The following TRAPPC1 variants were observed in gnomAD, a reference collection of about 807,000 sequenced individuals.
TRAPPC1 encodes the protein trafficking protein particle complex subunit 1.
TRAPPC1 carries 10 observed loss-of-function variants against 17.2 expected under a neutral mutation model. That is an observed-to-expected ratio of 0.58 (90% confidence interval 0.36 to 0.99). TRAPPC1 has a LOEUF of 0.99. Among genes scored for constraint, TRAPPC1 ranks in the 50% least tolerant of loss-of-function variants. The pLI, the probability that TRAPPC1 is intolerant of heterozygous loss-of-function variation, is 0.01. For synonymous variants in TRAPPC1, 85 were observed against 74.5 expected, an observed-to-expected ratio of 1.14 and a Z score of -0.72; for missense variants, 163 against 184.4, an observed-to-expected ratio of 0.88 and a Z score of 0.67.
chr17:7,931,263 C>A, intron 2 of TRAPPC1, 114 bp from the exon 3 acceptor site: 1 of 1,358,604 alleles, frequency 7.4e-7, no homozygotes, highest in Non-Finnish European at 1.0e-6. Flanking sequence ...TTTGTAGAAG[C>A]CTGGTTGAGT....
chr17:7,930,815 T>G, intron 3 of TRAPPC1, 81 bp from the exon 4 acceptor site: 1 of 1,558,746 alleles, frequency 6.4e-7, no homozygotes, highest in Non-Finnish European at 8.7e-7. Flanking sequence ...CTCAGGGGTG[T>G]GTGAATGCAC....
At position 7,931,913 on chromosome 17, in the gene TRAPPC1, A is replaced by G; in HGVS notation, c.-84T>C. On this transcript the variant is annotated 5_prime_UTR_variant, in exon 1 of 4. Transcript: ENST00000303731. ...TTCCCGGACCCACAGCCTTCCAACC[A>G]GGTGGGGACCCCACCCACGGACTCA... 1 of 1,210,972 alleles carries G rather than the reference A, an allele frequency of 8.3e-7. No individual in the cohort carries two copies. The highest frequency in any genetic ancestry group is 1.2e-6 in the Non-Finnish European group (1 of 814,394). 75.0% of individuals were successfully genotyped at this position (1,210,972 alleles called of 1,614,324 possible).
Position 7,931,547 on chromosome 17 carries a change from G to A in TRAPPC1, c.129C>T (p.Phe43=), listed in dbSNP as rs1161125085. ...EEYKLMYGML[F]SIRSFVSKMS... ...TCTTGCTGACAAACGAGCGGATAGA[G>A]AAGAGCATCCCGTACATCAGCTTAT... is the stretch of plus-strand genomic sequence containing the variant. The change falls in exon 2 of 4, where the codon TTC becomes TTT. Residue 43 remains phenylalanine (F), a synonymous_variant. Transcript: ENST00000303731. The A allele has an allele frequency of 6.2e-7, 1 of 1,613,866 alleles. No homozygotes were observed. Among genetic ancestry groups the A allele is most frequent in the Admixed American group, 1.7e-5 (1 of 60,016 alleles).
intron 3 of TRAPPC1, 31 bp downstream of exon 3, chr17:7,930,980 T>TG: frequency 1.2e-6 from 2 of 1,611,690 alleles, no homozygotes; most frequent in Middle Eastern, 3.6e-4. Flanking sequence ...TGAAGAGCTC[T>TG]GGGGGATGGG....
In TRAPPC1 at chr17:7,931,056, C is replaced by T. The variant is rs1208770124; in HGVS notation, c.264G>A (p.Leu88=). 1.9e-6 allele frequency: 3 copies of T among 1,613,848 alleles called. No homozygotes were observed. The highest frequency in any genetic ancestry group is 2.5e-6 in the Non-Finnish European group (3 of 1,179,960). Residue 88 remains leucine (L), a synonymous_variant, in exon 3 of 4, where the codon TTG becomes TTA. Transcript: ENST00000303731. The part of the protein sequence containing the change: ...TGIKVVMNTD[L]GVGPIRDVLH... ...GCACATCTCGGATGGGTCCCACGCC[C>T]AAGTCAGTATTCATGACAACTTTGA...
In TRAPPC1 at chr17:7,930,389, A is replaced by T; in HGVS notation, c.*217T>A. 1 of 578,680 alleles carries T rather than the reference A, an allele frequency of 1.7e-6. No individual in the cohort carries two copies. The highest frequency in any genetic ancestry group is 3.1e-6 in the Non-Finnish European group (1 of 327,626). The allele number at this position is 578,680 out of a possible 1,614,324, so 35.8% of individuals were successfully genotyped here. ...TTTATTCTGTGCTTCTCGCAGCATT[A>T]GGCAGGGGATAAAACTGGAGAGAGG... On this transcript the variant is annotated 3_prime_UTR_variant, in exon 4 of 4. Transcript: ENST00000303731.
At chr17:7,930,919 G>A (rs1972453937) in intron 3 of TRAPPC1, 92 bp downstream of exon 3, 2 of 1,533,422 alleles carry the variant, frequency 1.3e-6, no homozygotes, top group Non-Finnish European at 1.8e-6. Flanking sequence ...CTTGAGTTGA[G>A]CAAACATATA....
Position 7,931,860 on chromosome 17 carries a change from G to C in TRAPPC1, c.-31C>G. The C allele has an allele frequency of 6.3e-7, 1 of 1,590,340 alleles. No individual in the cohort carries two copies. The highest frequency in any genetic ancestry group is 8.6e-7 in the Non-Finnish European group (1 of 1,158,424). ...GGGCAGGGAGTGTGAGCCTCGCTCCGGGGCCGCCCCCACTCCTTGGGCTCG... is the reference window on the plus strand; with the variant it reads ...GGGCAGGGAGTGTGAGCCTCGCTCCCGGGCCGCCCCCACTCCTTGGGCTCG... On this transcript the variant is annotated 5_prime_UTR_variant, in exon 1 of 4. Transcript: ENST00000303731.
At chr17:7,930,833 A>G (rs891546624) in intron 3 of TRAPPC1, 99 bp from the exon 4 acceptor site, 11 of 1,527,020 alleles carry the variant, frequency 7.2e-6, no homozygotes, top group African/African-American at 1.4e-5. Flanking sequence ...CACAAGGAAT[A>G]AGGGCTGGAA....
At position 7,930,511 on chromosome 17, in the gene TRAPPC1, G is replaced by C; in HGVS notation, c.*95C>G. The stretch of plus-strand genomic sequence containing the variant: ...GGCTGTTGCTCTGGGCAGGGGGTGG[G>C]GGTGCGGGGGCTTACAGTGGGGGCC... On this transcript the variant is annotated 3_prime_UTR_variant, in exon 4 of 4. Transcript: ENST00000303731. 1.3e-6 allele frequency: 2 copies of C among 1,532,216 alleles called. No individual in the cohort carries two copies. The allele number at this position is 1,532,216 out of a possible 1,614,324, so 94.9% of individuals were successfully genotyped here. A position where few individuals can be genotyped will look rare whatever the true frequency, so the allele number is the denominator to read the frequency against.
chr17:7,931,892 C>A lies in TRAPPC1; in HGVS notation c.-63G>T. 7.0e-7 allele frequency: 1 copy of A among 1,433,716 alleles called. No homozygotes were observed. The highest frequency in any genetic ancestry group is 9.8e-7 in the Non-Finnish European group (1 of 1,016,168). The allele number at this position is 1,433,716 out of a possible 1,614,324, so 88.8% of individuals were successfully genotyped here. On this transcript the variant is annotated 5_prime_UTR_variant, in exon 1 of 4. Coordinates refer to ENST00000303731, the MANE Select transcript of TRAPPC1 (RefSeq NM_021210.5). ...CCCCCACTCCTTGGGCTCGGGTTCC[C>A]GGACCCACAGCCTTCCAACCAGGTG...
chr17:7,931,227 G>T, intron 2 of TRAPPC1, 78 bp from the exon 3 acceptor site: 1 of 1,514,210 alleles, frequency 6.6e-7, no homozygotes, highest in South Asian at 1.2e-5. Context: ...CGCAAACATC[G>T]ACTCCCTCTT....
chr17:7,931,636 G>T, intron 1 of TRAPPC1, 60 bp from the exon 2 acceptor site: 7 of 577,610 alleles, frequency 1.2e-5, no homozygotes, highest in Non-Finnish European at 1.7e-5. Context: ...TGGGGGGTGG[G>T]AACGAGCTGG....
At position 7,931,518 on chromosome 17, in the gene TRAPPC1, G is replaced by C; in HGVS notation, c.158C>G (p.Ser53Cys). The change falls in exon 2 of 4, where the codon TCC (serine) becomes TGC (cysteine). Residue 53 changes from serine (S) to cysteine (C), a missense_variant. By Grantham distance (112) the Ser-to-Cys change is moderately radical (BLOSUM62 -1). Coordinates refer to ENST00000303731, the MANE Select transcript of TRAPPC1 (RefSeq NM_021210.5). The part of the protein sequence containing the change: ...FSIRSFVSKM[S>C]PLDMKDGFLA... ...TGACTCCGCGTACATGTCTAGCGGG[G>C]ACATCTTGCTGACAAACGAGCGGAT... is the stretch of plus-strand genomic sequence containing the variant. The C allele has an allele frequency of 2.5e-6, 4 of 1,613,952 alleles. No individual in the cohort carries two copies. The highest frequency in any genetic ancestry group is 3.4e-6 in the Non-Finnish European group (4 of 1,179,896).
In TRAPPC1 at chr17:7,930,651, G is replaced by C. The variant is rs144394232; in HGVS notation, c.393C>G (p.Asp131Glu). The C allele has an allele frequency of 1.2e-6, 2 of 1,614,082 alleles. No individual in the cohort carries two copies. The highest frequency in any genetic ancestry group is 2.2e-5 in the East Asian group (1 of 44,900). ...VQSELFRSRL[D>E]SYVRSLPFFS... is the part of the protein sequence containing the mutation. ...AGAAGGGCAGAGAGCGAACATAGGA[G>C]TCCAGTCGGGAGCGAAAGAGCTCAC... Residue 131 changes from aspartate to glutamate, a missense_variant, in exon 4 of 4, where the codon GAC (aspartate) becomes GAG (glutamate). Asp to Glu is a conservative substitution (Grantham distance 45, BLOSUM62 2). Transcript: ENST00000303731.
upstream of TRAPPC1, chr17:7,931,952 G>C: frequency 1.2e-6 from 1 of 804,736 alleles, no homozygotes; most frequent in Non-Finnish European, 2.1e-6. Context: ...GAACTGCTCC[G>C]AGTGCCCGTC....
rs1211943592 is a variant in TRAPPC1, at chr17:7,931,800, G to T, written c.30C>A (p.Asp10Glu). 2 of 1,614,018 alleles carry T rather than the reference G, an allele frequency of 1.2e-6. No individual in the cohort carries two copies. Among genetic ancestry groups the T allele is most frequent in the Non-Finnish European group, 1.7e-6 (2 of 1,180,014 alleles). The change falls in exon 1 of 4, where the codon GAC becomes GAA. Residue 10 changes from aspartate to glutamate, a missense_variant. Transcript: ENST00000303731. The stretch of plus-strand genomic sequence containing the variant: ...TGTAGTGCAGACACACTCCATTCCG[G>T]TCAAACAGGTACAGGTTGTGGACAG... MTVHNLYLF[D>E]RNGVCLHYSE...
At position 7,931,923 on chromosome 17, in the gene TRAPPC1, C is replaced by A; in HGVS notation, c.-94G>T. The A allele has an allele frequency of 2.8e-6, 3 of 1,080,926 alleles. No homozygotes were observed. Among genetic ancestry groups the A allele is most frequent in the Non-Finnish European group, 4.3e-6 (3 of 698,156 alleles). 67.0% of individuals were successfully genotyped at this position (1,080,926 alleles called of 1,614,324 possible). On this transcript the variant is annotated 5_prime_UTR_variant, in exon 1 of 4. Transcript: ENST00000303731. ...CACAGCCTTCCAACCAGGTGGGGAC[C>A]CCACCCACGGACTCACCGGAACTGC...
chr17:7,931,020 G>T lies in TRAPPC1; in HGVS notation c.300C>A (p.Ile100=), dbSNP rs755482202. The T allele has an allele frequency of 6.2e-7, 1 of 1,613,910 alleles. No individual in the cohort carries two copies. Among genetic ancestry groups the T allele is most frequent in the Non-Finnish European group, 8.5e-7 (1 of 1,179,968 alleles). ...VGPIRDVLHH[I]YSALYVELVV... Reference sequence around the variant, plus strand: ...TGGGGCTGGCACTGACCGCACTGTAGATGTGGTGCAGCACATCTCGGATGG... The same window carrying T: ...TGGGGCTGGCACTGACCGCACTGTATATGTGGTGCAGCACATCTCGGATGG... Residue 100 remains isoleucine (I), a synonymous_variant, in exon 3 of 4, where the codon ATC becomes ATA. Coordinates refer to ENST00000303731, the MANE Select transcript of TRAPPC1 (RefSeq NM_021210.5).
Sources: gnomAD v4.1 joint callset for allele counts on GRCh38, gnomAD v4.1.1 for gene constraint, MANE v1.5 for transcripts, NCBI Gene and HGNC (gene_info 2026-07-23, HGNC 2026-07-21) for gene names.